Variants in SLC24A4 observed in about 807,000 individuals in gnomAD.
The protein encoded by SLC24A4 is sodium/potassium/calcium exchanger 4.
Under a neutral mutation model 79.0 loss-of-function variants are expected in SLC24A4, and 53 were observed. The observed-to-expected ratio is 0.67, with a 90% CI of 0.54 to 0.84. SLC24A4 has a LOEUF of 0.84. Ranked by LOEUF, SLC24A4 falls within the 40% of genes least tolerant of loss-of-function variation. SLC24A4 has a pLI of 0.00. For synonymous variants in SLC24A4, 323 were observed against 323.8 expected (o/e 1.00, Z 0.03); for missense variants, 731 against 822.0 (o/e 0.89, Z 1.35).
chr14:92,451,136 G>A (rs989260579), intron 10 of SLC24A4: 1 of 152,276 alleles, frequency 6.6e-6, no homozygotes, highest in Non-Finnish European at 1.5e-5. Flanking sequence ...TTATCAGAGG[G>A]AATGCATTTA....
At position 92,434,060 on chromosome 14, in the gene SLC24A4, G is replaced by A. The variant is rs552832746; in HGVS notation, c.318+72G>A. 2.6e-4 allele frequency: 313 copies of A among 1,185,388 alleles called. 1 individual carries two copies. In the East Asian group the frequency reaches 5.9e-3, roughly 22 times the overall value. The allele number at this position is 1,185,388 out of a possible 1,614,324, so 73.4% of individuals were successfully genotyped here. The stretch of plus-strand genomic sequence containing the variant: ...CCTCTCTGCACAGCGGGGCAGAGCC[G>A]TGGCGTGTCTGAGATCTTTTATTCT... On this transcript the variant is annotated intron_variant, in intron 3 of 16. Coordinates refer to ENST00000532405, the MANE Select transcript of SLC24A4 (RefSeq NM_153646.4).
At chr14:92,443,604 C>A (rs1341189898) in intron 7 of SLC24A4, 130 bp downstream of exon 7, 4 of 926,410 alleles carry the variant, frequency 4.3e-6, no homozygotes, top group Admixed American at 2.0e-5. Flanking sequence ...GGTGTGCCAG[C>A]CACTCACTGC....
chr14:92,330,395 T>A (rs777424006), intron 2 of SLC24A4, among the ~76,000 whole-genome samples: 6 of 152,144 alleles, frequency 3.9e-5, no homozygotes, highest in Non-Finnish European at 7.3e-5. Context: ...TATGGAAAAT[T>A]TATAATTAAT....
intron 2 of SLC24A4, among the ~76,000 whole-genome samples, chr14:92,414,158 A>G (rs1890861247): frequency 1.3e-5 from 2 of 152,090 alleles, no homozygotes; most frequent in Non-Finnish European, 2.9e-5. Context: ...CCTGGACACT[A>G]TTGGCATCGG....
chr14:92,323,881 G>A lies in SLC24A4; in HGVS notation c.51G>A (p.Glu17=). 6.2e-7 allele frequency: 1 copy of A among 1,605,514 alleles called. No individual in the cohort carries two copies. The highest frequency in any genetic ancestry group is 8.5e-7 in the Non-Finnish European group (1 of 1,179,518). ...LRPLKVRRRR[E]MLPQQVGFVC... is the part of the protein sequence containing the mutation. ...CGCTCAAAGTTCGCAGGAGGCGAGA[G>A]ATGCTGCCGCAGCAAGTCGGCTTCG... The change falls in exon 1 of 17, where the codon GAG becomes GAA. Residue 17 remains glutamate (E), a synonymous_variant. Transcript: ENST00000532405. This position sits in a 1 kb window ranked among gnomAD's most constrained non-coding sequence, Gnocchi z 4.9.
intron 2 of SLC24A4, among the ~76,000 whole-genome samples, chr14:92,358,695 CT>C (rs749108837): frequency 0.12 from 15,509 of 130,782 alleles, 825 homozygotes; most frequent in Admixed American, 0.15. Context: ...CACATCTACT[CT>C]TTTTTTTTTT....
intron 13 of SLC24A4, chr14:92,484,640 C>A: frequency 2.0e-6 from 2 of 985,386 alleles, no homozygotes; most frequent in Non-Finnish European, 2.4e-6. Flanking sequence ...CCCAGGCACT[C>A]ACACTTGGAA....
intron 9 of SLC24A4, among the ~76,000 whole-genome samples, chr14:92,448,525 G>A (rs1488455346): frequency 2.0e-5 from 3 of 152,160 alleles, no homozygotes; most frequent in African/African-American, 4.8e-5. Context: ...ATAAAGATGG[G>A]TGATAAACTA....
chr14:92,373,833 A>G (rs1289402214), intron 2 of SLC24A4, among the ~76,000 whole-genome samples: 1 of 152,228 alleles, frequency 6.6e-6, no homozygotes, highest in Non-Finnish European at 1.5e-5. Flanking sequence ...AATTAGAGGT[A>G]ATAATGTAAT....
At chr14:92,360,876 C>T (rs2098902132) in intron 2 of SLC24A4, among the ~76,000 whole-genome samples, 1 of 152,142 alleles carries the variant, frequency 6.6e-6, no homozygotes, top group Non-Finnish European at 1.5e-5. Context: ...TCTACGAAAC[C>T]GAAATCTTGA....
intron 2 of SLC24A4, among the ~76,000 whole-genome samples, chr14:92,379,659 C>T (rs961366209): frequency 1.9e-4 from 29 of 152,120 alleles, no homozygotes; most frequent in Admixed American, 8.5e-4. Flanking sequence ...AGGTGACTTC[C>T]GGGACACTGA....
At chr14:92,489,647 C>T (rs61977321) in intron 14 of SLC24A4, among the ~76,000 whole-genome samples, 4 of 152,100 alleles carry the variant, frequency 2.6e-5, no homozygotes, top group Non-Finnish European at 4.4e-5. Context: ...GTGCCCCAGA[C>T]CCACTGAATC....
intron 2 of SLC24A4, among the ~76,000 whole-genome samples, chr14:92,343,653 T>TTCCCTCC (rs58733128): frequency 2.0e-4 from 7 of 34,256 alleles, no homozygotes; most frequent in South Asian, 1.4e-3. Context: ...TCTTTCCTTC[T>TTCCCTCC]TTCCTTCCTT....
At chr14:92,430,950 G>A (rs544017217) in intron 2 of SLC24A4, among the ~76,000 whole-genome samples, 6 of 152,202 alleles carry the variant, frequency 3.9e-5, no homozygotes, top group Non-Finnish European at 8.8e-5. Context: ...CCTCAGACAC[G>A]CAAGCATCCC....
At chr14:92,374,706 G>T (rs1888404833) in intron 2 of SLC24A4, among the ~76,000 whole-genome samples, 1 of 152,086 alleles carries the variant, frequency 6.6e-6, no homozygotes, top group Non-Finnish European at 1.5e-5. Context: ...TTATATTTGT[G>T]CCCTTAGTAT....
chr14:92,444,388 C>A (rs1395266174), intron 7 of SLC24A4, among the ~76,000 whole-genome samples: 1 of 152,150 alleles, frequency 6.6e-6, no homozygotes, highest in Non-Finnish European at 1.5e-5. Context: ...TGGGCTGGCA[C>A]CTAAGCCCCG....
chr14:92,333,740 TC>T (rs1331230638), intron 2 of SLC24A4, among the ~76,000 whole-genome samples: 1 of 152,106 alleles, frequency 6.6e-6, no homozygotes, highest in Non-Finnish European at 1.5e-5. Context: ...TGGAGAATCT[TC>T]TGTGATCAGC....
At chr14:92,480,335 G>A (rs1328039134) in intron 12 of SLC24A4, among the ~76,000 whole-genome samples, 4 of 94,174 alleles carry the variant, frequency 4.2e-5, no homozygotes, top group Admixed American at 1.8e-4. Flanking sequence ...CGCCCAGGCC[G>A]AACTGCGGAC....
At chr14:92,383,112 A>G (rs1888947685) in intron 2 of SLC24A4, among the ~76,000 whole-genome samples, 1 of 152,088 alleles carries the variant, frequency 6.6e-6, no homozygotes, top group South Asian at 2.1e-4. Context: ...CATCATTTCT[A>G]TGGCTTCACA....
Sources: gnomAD v4.1 joint callset for allele counts (sites outside exome capture counted in the v4.1 genomes callset) on GRCh38, gnomAD v4.1.1 for gene constraint, Gnocchi (gnomAD v3.1) non-coding constraint, MANE v1.5 for transcripts, NCBI Gene and HGNC (gene_info 2026-07-23, HGNC 2026-07-21) for gene names.